Variants in MYO10 observed in about 807,000 individuals in gnomAD.
The protein encoded by MYO10 is myosin X.
In MYO10, 133 loss-of-function variants were observed where a neutral mutation model predicts 257.3. The ratio of observed to expected loss-of-function variants is 0.52; its 90% confidence interval spans 0.45 to 0.60. MYO10 has a LOEUF of 0.60. MYO10 is among the 20% of genes least tolerant of loss of function. The pLI is 0.00. For missense variants in MYO10, 2,399 were observed against 2,635.7 expected, an observed-to-expected ratio of 0.91 and a Z score of 1.97; for synonymous variants, 1,104 against 1,028.6, an observed-to-expected ratio of 1.07 and a Z score of -1.40.
chr5:16,857,866 A>C (rs995840473), intron 2 of MYO10, among the ~76,000 whole-genome samples: 1 of 152,178 alleles, frequency 6.6e-6, no homozygotes, highest in Non-Finnish European at 1.5e-5. Flanking sequence ...GTGGCCCAGG[A>C]ATCTCATTAA....
chr5:16,766,272 G>T, intron 10 of MYO10, 74 bp from the exon 11 acceptor site: 1 of 1,090,814 alleles, frequency 9.2e-7, no homozygotes, highest in African/African-American at 1.6e-5. Flanking sequence ...ATACCTTAAC[G>T]CAGAGAACAC....
intron 26 of MYO10, among the ~76,000 whole-genome samples, chr5:16,698,133 G>C (rs1253194709): frequency 6.6e-6 from 1 of 152,200 alleles, no homozygotes; most frequent in African/African-American, 2.4e-5. Flanking sequence ...CACTTTGGGA[G>C]GCCAAGGTGG....
chr5:16,902,172 A>C (rs902217686), intron 1 of MYO10: 2 of 603,236 alleles, frequency 3.3e-6, no homozygotes, highest in East Asian at 2.9e-5. Context: ...CAGCCTCCCA[A>C]GTAGTTGGGA....
chr5:16,666,784 C>A lies in MYO10; in HGVS notation c.6085G>T (p.Val2029Leu), dbSNP rs527304467. 1 of 1,601,780 alleles carries A rather than the reference C, an allele frequency of 6.2e-7. No individual in the cohort carries two copies. The highest frequency in any genetic ancestry group is 8.5e-7 in the Non-Finnish European group (1 of 1,175,672). The change falls in exon 41 of 41, where the codon GTG becomes TTG. Residue 2029 changes from valine to leucine, a missense_variant. By Grantham distance (32) the Val-to-Leu change is conservative. Coordinates refer to ENST00000513610, the MANE Select transcript of MYO10 (RefSeq NM_012334.3). ...LLFETSEVVD[V>L]AKLMKAYISM... ...ATGTAGGCTTTCATGAGCTTGGCCACATCCACCACCTGCCCAGGGGGAAGC... is the reference window on the plus strand; with the variant it reads ...ATGTAGGCTTTCATGAGCTTGGCCAAATCCACCACCTGCCCAGGGGGAAGC...
intron 19 of MYO10, among the ~76,000 whole-genome samples, chr5:16,720,013 T>TGC (rs1394047164): frequency 1.3e-5 from 2 of 150,270 alleles, no homozygotes; most frequent in Non-Finnish European, 2.9e-5. Flanking sequence ...TGTGTGTGTG[T>TGC]GTGTGTGTGT....
chr5:16,936,077 A>G lies in MYO10; in HGVS notation c.-269T>C, dbSNP rs1198434251. 3 of 497,446 alleles carry G rather than the reference A, an allele frequency of 6.0e-6. No individual in the cohort carries two copies. The highest frequency in any genetic ancestry group is 5.2e-5 in the South Asian group (2 of 38,402). 30.8% of individuals were successfully genotyped at this position (497,446 alleles called of 1,614,324 possible). A position where few individuals can be genotyped will look rare whatever the true frequency, so the allele number is the denominator to read the frequency against. ...TACTGGGCGCAGCGCTCGCAAGCGG[A>G]GAACAGCTGGTGGCACATTCTTCCC... On this transcript the variant is annotated 5_prime_UTR_variant, in exon 1 of 41. Coordinates refer to ENST00000513610, the MANE Select transcript of MYO10 (RefSeq NM_012334.3).
chr5:16,892,535 TGGAA>T (rs1215922256), intron 1 of MYO10, among the ~76,000 whole-genome samples: 1 of 152,036 alleles, frequency 6.6e-6, no homozygotes, highest in Non-Finnish European at 1.5e-5. Flanking sequence ...CCAAGCTACT[TGGAA>T]GGTTGAGGTG....
chr5:16,904,326 G>C (rs1017266230), intron 1 of MYO10, among the ~76,000 whole-genome samples: 1 of 152,126 alleles, frequency 6.6e-6, no homozygotes, highest in Non-Finnish European at 1.5e-5. Flanking sequence ...GCCAGTAAAC[G>C]TAAGCCAGTG....
chr5:16,924,185 G>A (rs142185728), intron 1 of MYO10, among the ~76,000 whole-genome samples: 2 of 152,238 alleles, frequency 1.3e-5, no homozygotes, highest in African/African-American at 4.8e-5. Flanking sequence ...AGTGTGCTTT[G>A]GCCTTAAACG....
intron 1 of MYO10, among the ~76,000 whole-genome samples, chr5:16,923,665 C>T (rs1444204907): frequency 7.6e-6 from 1 of 130,780 alleles, no homozygotes; most frequent in African/African-American, 3.3e-5. Flanking sequence ...CACGCCCATA[C>T]ACACACACAC....
At chr5:16,744,858 A>G (rs1560961428) in intron 19 of MYO10, among the ~76,000 whole-genome samples, 1 of 152,184 alleles carries the variant, frequency 6.6e-6, no homozygotes, top group Non-Finnish European at 1.5e-5. Context: ...TTTAAACAAA[A>G]ATTCCGAGAT....
At chr5:16,842,825 T>C (rs915394360) in intron 2 of MYO10, among the ~76,000 whole-genome samples, 5 of 151,362 alleles carry the variant, frequency 3.3e-5, no homozygotes, top group Non-Finnish European at 7.4e-5. Context: ...AGCCTGGAGT[T>C]TGAGGTTAGA....
At chr5:16,764,563 A>G (rs1740810305) in intron 11 of MYO10, among the ~76,000 whole-genome samples, 167 bp from the exon 12 acceptor site, 1 of 152,264 alleles carries the variant, frequency 6.6e-6, no homozygotes, top group Admixed American at 6.5e-5. Context: ...TAAAGAAAAG[A>G]TAAACTGGAA....
At chr5:16,672,294 CAA>C (rs10684695) in intron 37 of MYO10, among the ~76,000 whole-genome samples, 2 of 122,248 alleles carry the variant, frequency 1.6e-5, no homozygotes, top group Admixed American at 8.8e-5. Flanking sequence ...GACTCCATCT[CAA>C]AAAAAAAAAA....
intron 2 of MYO10, among the ~76,000 whole-genome samples, chr5:16,857,502 T>C (rs147995102): frequency 2.7e-4 from 41 of 152,330 alleles, no homozygotes; most frequent in Middle Eastern, 6.8e-3. Context: ...GTATGGCTTC[T>C]AGACTAGCAG....
At chr5:16,913,750 G>A (rs1055345152) in intron 1 of MYO10, among the ~76,000 whole-genome samples, 1 of 152,218 alleles carries the variant, frequency 6.6e-6, no homozygotes, top group African/African-American at 2.4e-5. Flanking sequence ...GGATACGTAA[G>A]TATGAGCTGA....
chr5:16,734,955 A>G (rs1241781913), intron 19 of MYO10, among the ~76,000 whole-genome samples: 1 of 152,056 alleles, frequency 6.6e-6, no homozygotes, highest in African/African-American at 2.4e-5. Flanking sequence ...TCCTCTTTGT[A>G]CCTACCCTAC....
intron 1 of MYO10, chr5:16,915,982 C>A: frequency 2.3e-6 from 1 of 441,582 alleles, no homozygotes; most frequent in South Asian, 1.6e-5. Context: ...AAAAAAATCA[C>A]TCACCATACA....
intron 19 of MYO10, among the ~76,000 whole-genome samples, chr5:16,724,890 A>G (rs918581573): frequency 6.6e-6 from 1 of 152,182 alleles, no homozygotes; most frequent in Non-Finnish European, 1.5e-5. Context: ...TCCTTCAGGC[A>G]CAGTCAATGC....
Sources: allele counts gnomAD v4.1 joint callset (sites outside exome capture counted in the v4.1 genomes callset), GRCh38; gene constraint gnomAD v4.1.1; transcripts MANE v1.5; gene names NCBI Gene and HGNC (gene_info 2026-07-23, HGNC 2026-07-21).